The following PSD3 variants were observed in gnomAD, a reference collection of about 807,000 sequenced individuals.
The protein encoded by PSD3 is pleckstrin and Sec7 domain containing 3, also known as PH and SEC7 domain-containing protein 3.
A neutral mutation model predicts 105.5 loss-of-function variants in PSD3; 49 were observed. The ratio of observed to expected loss-of-function variants is 0.46; its 90% CI spans 0.37 to 0.59. The LOEUF is 0.59. Ranked by LOEUF, PSD3 falls within the 20% of genes least tolerant of loss-of-function variation. The pLI is 0.00. For missense variants in PSD3, 1,561 were observed against 1,263.8 expected (o/e 1.24, Z -3.57); for synonymous variants, 557 against 457.8 (o/e 1.22, Z -2.77).
chr8:18,825,969 G>C (rs1398351454), intron 4 of PSD3, among the ~76,000 whole-genome samples: 1 of 152,212 alleles, frequency 6.6e-6, no homozygotes, highest in Non-Finnish European at 1.5e-5. Context: ...GTGTTTGTGA[G>C]GCTGCTTCTA....
chr8:18,910,096 G>C (rs1820106494), intron 2 of PSD3, among the ~76,000 whole-genome samples: 2 of 152,098 alleles, frequency 1.3e-5, no homozygotes, highest in Admixed American at 6.5e-5. Context: ...TGCTCCCAAT[G>C]GAAAGGAACT....
At chr8:18,875,001 G>A (rs567961185) in intron 2 of PSD3, among the ~76,000 whole-genome samples, 4 of 152,074 alleles carry the variant, frequency 2.6e-5, no homozygotes, top group Non-Finnish European at 2.9e-5. Flanking sequence ...CCGCAGCCTC[G>A]AACTCCTCGG....
At chr8:18,826,044 A>G (rs1718649523) in intron 4 of PSD3, among the ~76,000 whole-genome samples, 1 of 152,182 alleles carries the variant, frequency 6.6e-6, no homozygotes, top group Non-Finnish European at 1.5e-5. Context: ...GTAGGTGGGT[A>G]TCATCCAAAG....
intron 2 of PSD3, among the ~76,000 whole-genome samples, chr8:18,933,144 T>C (rs901440190): frequency 6.6e-6 from 1 of 152,176 alleles, no homozygotes; most frequent in Non-Finnish European, 1.5e-5. Context: ...ACCTACAGCA[T>C]AACATCACAC....
intron 11 of PSD3, among the ~76,000 whole-genome samples, chr8:18,605,984 T>G (rs1265627290): frequency 2.6e-5 from 4 of 152,152 alleles, no homozygotes; most frequent in African/African-American, 9.7e-5. Flanking sequence ...TTAAACTACT[T>G]TATAAATTAT....
At chr8:18,818,957 C>T (rs1042303079) in intron 4 of PSD3, among the ~76,000 whole-genome samples, 16 of 152,108 alleles carry the variant, frequency 1.1e-4, no homozygotes, top group African/African-American at 3.9e-4. Context: ...CAGGGCATGT[C>T]TGCCTGTTAC....
In PSD3 at chr8:18,739,479, T is replaced by C. The variant is rs1038193079; in HGVS notation, c.2172+25970A>G. Reference sequence around the variant, plus strand: ...AGAAAGTGTTCTAAAACATCTGTTTTATTATAGGGTTGAAAATAAAGAAGA... The same window carrying C: ...AGAAAGTGTTCTAAAACATCTGTTTCATTATAGGGTTGAAAATAAAGAAGA... On this transcript the variant is annotated intron_variant, in intron 9 of 15. Transcript: ENST00000327040. Among the ~76,000 whole-genome samples the C allele has an allele frequency of 2.6e-5, 4 of 152,170 alleles. No homozygotes were observed. The East Asian group carries it at 5.8e-4, about 22-fold the overall frequency.
chr8:18,828,601 G>C (rs752910921), intron 4 of PSD3, among the ~76,000 whole-genome samples: 3 of 152,084 alleles, frequency 2.0e-5, no homozygotes. Context: ...GGGAGTTCAA[G>C]ACCAGCCTGG....
At chr8:19,029,990 T>C (rs1219668255) in intron 1 of PSD3, among the ~76,000 whole-genome samples, 1 of 152,212 alleles carries the variant, frequency 6.6e-6, no homozygotes, top group Non-Finnish European at 1.5e-5. Context: ...CTTTTTGCAC[T>C]GGTCAGGAAT....
intron 13 of PSD3, among the ~76,000 whole-genome samples, chr8:18,574,547 T>G (rs913443772): frequency 6.6e-6 from 1 of 152,188 alleles, no homozygotes; most frequent in Non-Finnish European, 1.5e-5. Context: ...CCCATTTCCT[T>G]GCTCACAGTA....
At chr8:18,924,838 G>A (rs1821261346) in intron 2 of PSD3, 2 of 152,064 alleles carry the variant, frequency 1.3e-5, no homozygotes, top group African/African-American at 4.8e-5. Context: ...AACTCAAAAT[G>A]GGCCACAGAC....
At chr8:19,028,860 T>G (rs181679549) in intron 1 of PSD3, among the ~76,000 whole-genome samples, 1 of 152,206 alleles carries the variant, frequency 6.6e-6, no homozygotes, top group Non-Finnish European at 1.5e-5. Context: ...TCTTCACATG[T>G]GCTATGAGTT....
At chr8:18,724,441 C>T (rs1410710501) in intron 9 of PSD3, among the ~76,000 whole-genome samples, 1 of 151,782 alleles carries the variant, frequency 6.6e-6, no homozygotes, top group Non-Finnish European at 1.5e-5. Context: ...GCGAGACCCC[C>T]ATCTCAACAG....
At chr8:18,876,985 G>T (rs1316524104) in intron 2 of PSD3, among the ~76,000 whole-genome samples, 1 of 152,182 alleles carries the variant, frequency 6.6e-6, no homozygotes, top group Non-Finnish European at 1.5e-5. Flanking sequence ...CTTTTTTAGA[G>T]ACATGCCCAT....
At chr8:18,984,566 A>G (rs1298336590) in intron 1 of PSD3, among the ~76,000 whole-genome samples, 1 of 152,230 alleles carries the variant, frequency 6.6e-6, no homozygotes. Context: ...AAACTATTTG[A>G]GCATTTGAAG....
chr8:19,014,400 G>A (rs551350930), upstream of PSD3: 3 of 152,300 alleles, frequency 2.0e-5, no homozygotes, highest in Non-Finnish European at 2.9e-5. This position sits in a 1 kb window ranked among gnomAD's most constrained non-coding sequence, Gnocchi z 4.9. Context: ...GTGCGTGCGC[G>A]GGGAGAGGTC....
intron 15 of PSD3, among the ~76,000 whole-genome samples, chr8:18,549,548 T>A (rs1049059978): frequency 2.6e-5 from 4 of 152,174 alleles, no homozygotes; most frequent in Admixed American, 1.3e-4. Context: ...TGCTAAAACT[T>A]CTCCACTGGA....
At chr8:18,548,312 T>C (rs1377963132) in intron 15 of PSD3, among the ~76,000 whole-genome samples, 1 of 152,232 alleles carries the variant, frequency 6.6e-6, no homozygotes, top group Non-Finnish European at 1.5e-5. Context: ...AGGCAACTCA[T>C]AGATGTCCAT....
At chr8:18,717,751 C>G (rs1475470649) in intron 9 of PSD3, among the ~76,000 whole-genome samples, 1 of 152,146 alleles carries the variant, frequency 6.6e-6, no homozygotes, top group African/African-American at 2.4e-5. Flanking sequence ...CAAAATATTC[C>G]CTTTGCCTTC....
Sources: allele counts gnomAD v4.1 joint callset (sites outside exome capture counted in the v4.1 genomes callset), GRCh38; gene constraint gnomAD v4.1.1; non-coding constraint Gnocchi (gnomAD v3.1); transcripts MANE v1.5; gene names NCBI Gene and HGNC (gene_info 2026-07-23, HGNC 2026-07-21).